ZMAT4: variants seen among roughly 807,000 people sequenced by gnomAD.
ZMAT4 encodes zinc finger matrin-type 4, also known as zinc finger matrin-type protein 4.
ZMAT4 carries 17 observed loss-of-function variants against 28.7 expected under a neutral mutation model. That is an observed-to-expected ratio of 0.59 (90% CI 0.41 to 0.89). The LOEUF (loss-of-function observed/expected upper bound fraction) is 0.89. Among genes scored for constraint, ZMAT4 ranks in the 40% least tolerant of loss-of-function variants. ZMAT4 has a pLI of 0.00. For synonymous variants in ZMAT4, 117 were observed against 109.2 expected (o/e 1.07, Z -0.44); for missense variants, 240 against 283.8 (o/e 0.85, Z 1.11).
chr8:40,758,058 G>T (rs186753340), intron 3 of ZMAT4, among the ~76,000 whole-genome samples: 1 of 152,240 alleles, frequency 6.6e-6, no homozygotes, highest in Admixed American at 6.5e-5. Flanking sequence ...TGCACTGTTG[G>T]CTTCTCTACT....
At chr8:40,756,426 T>TTTTATATATATATATATATA (rs1389568182) in intron 3 of ZMAT4, among the ~76,000 whole-genome samples, 2 of 73,280 alleles carry the variant, frequency 2.7e-5, no homozygotes, top group South Asian at 5.9e-4. Context: ...AAATGTTCTT[T>TTTTATATATATATATATATA]TATATATATA....
chr8:40,756,980 G>A (rs528281717), intron 3 of ZMAT4, among the ~76,000 whole-genome samples: 1 of 152,242 alleles, frequency 6.6e-6, no homozygotes, highest in African/African-American at 2.4e-5. Context: ...TTTAATGCAT[G>A]TCTTTTCTCC....
At chr8:40,597,998 C>T (rs368122712) in intron 5 of ZMAT4, among the ~76,000 whole-genome samples, 1 of 152,092 alleles carries the variant, frequency 6.6e-6, no homozygotes, top group Non-Finnish European at 1.5e-5. Flanking sequence ...CAGTAATATG[C>T]CTTTTCCAAA....
chr8:40,733,093 C>T (rs1356604335), intron 3 of ZMAT4, among the ~76,000 whole-genome samples: 1 of 151,950 alleles, frequency 6.6e-6, no homozygotes, highest in Non-Finnish European at 1.5e-5. Context: ...AATCCTGCCT[C>T]CTGAGTAGCT....
In ZMAT4 at chr8:40,674,819, A is replaced by G; in HGVS notation, c.462T>C (p.Phe154=). 1 of 1,613,950 alleles carries G rather than the reference A, an allele frequency of 6.2e-7. No individual in the cohort carries two copies. The highest frequency in any genetic ancestry group is 1.1e-5 in the South Asian group (1 of 91,072). ...DRYCGLCAAW[F]NNPLMAQQHY... is the part of the protein sequence containing the mutation. ...GTTGCTGGGCCATCAGAGGGTTATT[A>G]AACCAGGCTGCACAGAGCCCACAGT... The change falls in exon 5 of 7, where the codon TTT becomes TTC. Residue 154 remains phenylalanine, a synonymous_variant. Coordinates refer to ENST00000297737, the MANE Select transcript of ZMAT4 (RefSeq NM_024645.3).
At chr8:40,810,751 C>T (rs932545865) in intron 2 of ZMAT4, among the ~76,000 whole-genome samples, 1 of 151,914 alleles carries the variant, frequency 6.6e-6, no homozygotes, top group African/African-American at 2.4e-5. Flanking sequence ...GCACCATGAG[C>T]AGATATAACA....
At chr8:40,685,110 C>T (rs1370143646) in intron 4 of ZMAT4, among the ~76,000 whole-genome samples, 1 of 134,702 alleles carries the variant, frequency 7.4e-6, no homozygotes, top group Non-Finnish European at 1.6e-5. Flanking sequence ...CACTTTATCT[C>T]AACTGCCATT....
chr8:40,717,644 G>C (rs1414732275), intron 3 of ZMAT4, among the ~76,000 whole-genome samples: 1 of 152,030 alleles, frequency 6.6e-6, no homozygotes, highest in African/African-American at 2.4e-5. Context: ...CTGGGTGACA[G>C]AGCAAGACTC....
intron 5 of ZMAT4, among the ~76,000 whole-genome samples, chr8:40,661,168 A>C (rs570882945): frequency 5.3e-5 from 8 of 152,146 alleles, no homozygotes; most frequent in Non-Finnish European, 1.2e-4. Flanking sequence ...TGGCACAATC[A>C]TGGCTCACTG....
intron 3 of ZMAT4, among the ~76,000 whole-genome samples, chr8:40,756,287 C>T (rs1424858453): frequency 6.6e-6 from 1 of 151,706 alleles, no homozygotes; most frequent in East Asian, 1.9e-4. Flanking sequence ...GAGAAAGGTG[C>T]TCCAGGAGAC....
chr8:40,856,441 T>C (rs1474973267), intron 1 of ZMAT4, among the ~76,000 whole-genome samples: 2 of 152,182 alleles, frequency 1.3e-5, no homozygotes, highest in Non-Finnish European at 2.9e-5. Context: ...CACAGGATGG[T>C]CTGTGTACCA....
In ZMAT4 at chr8:40,536,375, T is replaced by C. The variant is rs186140379; in HGVS notation, c.675-4137A>G. Among the ~76,000 whole-genome samples the C allele has an allele frequency of 2.2e-3, 336 of 152,318 alleles. 3 individuals carry two copies. The highest frequency in any genetic ancestry group is 7.9e-3 in the African/African-American group (330 of 41,566). On this transcript the variant is annotated intron_variant, in intron 6 of 6. Coordinates refer to ENST00000297737, the MANE Select transcript of ZMAT4 (RefSeq NM_024645.3). ...CATTGCACTAGTTTTCTATCTGGGA[T>C]GTTTGCAGTCAGCTCTGCAGCCTCA...
At chr8:40,853,313 T>G (rs1322846357) in intron 1 of ZMAT4, among the ~76,000 whole-genome samples, 4 of 152,132 alleles carry the variant, frequency 2.6e-5, no homozygotes, top group African/African-American at 9.7e-5. Context: ...TCCCAGCACT[T>G]TGGGAGGCCG....
chr8:40,760,110 C>A (rs1401949084), intron 3 of ZMAT4, among the ~76,000 whole-genome samples: 1 of 152,092 alleles, frequency 6.6e-6, no homozygotes, highest in Non-Finnish European at 1.5e-5. Flanking sequence ...GACAAGACAC[C>A]ACTACTGCCA....
At chr8:40,654,317 C>T (rs1807821038) in intron 5 of ZMAT4, among the ~76,000 whole-genome samples, 1 of 152,104 alleles carries the variant, frequency 6.6e-6, no homozygotes, top group South Asian at 2.1e-4. Context: ...GGATAGTGGT[C>T]CTCACACTGT....
At chr8:40,594,738 C>T (rs1805031250) in intron 5 of ZMAT4, among the ~76,000 whole-genome samples, 1 of 152,218 alleles carries the variant, frequency 6.6e-6, no homozygotes. Flanking sequence ...CTGGAAGGAA[C>T]ACTCATTTTT....
chr8:40,825,517 A>G (rs1165637720), intron 2 of ZMAT4, 58 bp downstream of exon 2: 5 of 1,442,778 alleles, frequency 3.5e-6, no homozygotes, highest in Non-Finnish European at 4.7e-6. Context: ...GTCCTACAAC[A>G]ATGACCCGGG....
intron 6 of ZMAT4, among the ~76,000 whole-genome samples, chr8:40,577,980 A>G (rs1249689887): frequency 6.6e-6 from 1 of 152,100 alleles, no homozygotes; most frequent in Non-Finnish European, 1.5e-5. Flanking sequence ...ATGATTATGG[A>G]TTAGAAAACT....
chr8:40,889,778 T>A (rs988556594), intron 1 of ZMAT4, among the ~76,000 whole-genome samples: 4 of 152,252 alleles, frequency 2.6e-5, no homozygotes, highest in African/African-American at 9.6e-5. Context: ...CTCCATGCAA[T>A]GTTTGCTGTA....
Sources: allele counts gnomAD v4.1 joint callset (sites outside exome capture counted in the v4.1 genomes callset), GRCh38; gene constraint gnomAD v4.1.1; transcripts MANE v1.5; gene names NCBI Gene and HGNC (gene_info 2026-07-23, HGNC 2026-07-21).